TMEM65: variants seen among roughly 807,000 people sequenced by gnomAD.
The protein encoded by TMEM65 is transmembrane protein 65.
TMEM65 carries 22 observed loss-of-function variants against 25.4 expected under a neutral mutation model. The observed-to-expected ratio is 0.86, with a 90% CI of 0.62 to 1.23. The LOEUF (loss-of-function observed/expected upper bound fraction) is 1.23. TMEM65 is among the 50% of genes most tolerant of loss of function. The pLI is 0.00. For synonymous variants in TMEM65, 132 were observed against 126.2 expected, an observed-to-expected ratio of 1.05 and a Z score of -0.31; for missense variants, 262 against 308.2, an observed-to-expected ratio of 0.85 and a Z score of 1.12.
In TMEM65 at chr8:124,326,750, T is replaced by C. The variant is rs190730650; in HGVS notation, c.417+604A>G. ...TATTGGTATCCATTAGCAGGCCTTA[T>C]ATAGTAGTAAGAAAGGTAAGTCAGC... is the stretch of plus-strand genomic sequence containing the variant. On this transcript the variant is annotated intron_variant, in intron 3 of 6. Transcript: ENST00000297632. Among the ~76,000 whole-genome samples the C allele has an allele frequency of 9.3e-3, 1,416 of 152,176 alleles. 30 individuals are homozygous for C. The highest frequency in any genetic ancestry group is 0.017 in the Middle Eastern group (5 of 294).
chr8:124,366,459 G>C (rs557951007), intron 1 of TMEM65, among the ~76,000 whole-genome samples: 2 of 152,030 alleles, frequency 1.3e-5, no homozygotes, highest in Non-Finnish European at 1.5e-5. Context: ...CCATCAGCCA[G>C]CCAAAGTTTA....
intron 6 of TMEM65, among the ~76,000 whole-genome samples, chr8:124,315,283 T>C (rs772788106): frequency 8.6e-5 from 13 of 151,808 alleles, no homozygotes; most frequent in Non-Finnish European, 1.9e-4. Context: ...TTTTCTCTTA[T>C]ACATTGTCTA....
chr8:124,368,285 G>C lies in TMEM65; in HGVS notation c.304+3569C>G, dbSNP rs147235932. ...TTATAACAAAAATATTCCCTAAGAG[G>C]CTCCTTTTTTCAAAACATATCTCTC... On this transcript the variant is annotated intron_variant, in intron 1 of 6. Coordinates refer to ENST00000297632, the MANE Select transcript of TMEM65 (RefSeq NM_194291.3). 5.2e-3 allele frequency among the ~76,000 whole-genome samples: 770 copies of C among 149,390 alleles called. 11 individuals are homozygous for C. Among genetic ancestry groups the C allele is most frequent in the African/African-American group, 0.018 (742 of 40,400 alleles).
rs1814189074 is a variant in TMEM65, at chr8:124,313,278, G to C, written c.*682C>G. ...GGTTAAAAAAAATCAACTAAAAATT[G>C]TACGCTTGTTAGTATACACGGTTTC... On this transcript the variant is annotated 3_prime_UTR_variant, in exon 7 of 7. Transcript: ENST00000297632. The C allele has an allele frequency of 6.6e-6, 1 of 151,814 alleles. No homozygotes were observed. The highest frequency in any genetic ancestry group is 6.6e-5 in the Admixed American group (1 of 15,226). 9.4% of individuals were successfully genotyped at this position (151,814 alleles called of 1,614,324 possible). A position where few individuals can be genotyped will look rare whatever the true frequency, so the allele number is the denominator to read the frequency against.
chr8:124,349,387 T>C (rs1814678610), intron 1 of TMEM65, among the ~76,000 whole-genome samples: 1 of 152,240 alleles, frequency 6.6e-6, no homozygotes. Flanking sequence ...AATCAAATGA[T>C]ACATCATAGT....
intron 1 of TMEM65, among the ~76,000 whole-genome samples, chr8:124,367,291 T>A (rs1253151344): frequency 6.6e-6 from 1 of 152,080 alleles, no homozygotes; most frequent in Non-Finnish European, 1.5e-5. Flanking sequence ...CTGGCCAACA[T>A]GGTGAAACCC....
chr8:124,319,566 C>G (rs1360905318), intron 6 of TMEM65, among the ~76,000 whole-genome samples: 1 of 151,844 alleles, frequency 6.6e-6, no homozygotes, highest in Non-Finnish European at 1.5e-5. Context: ...AGTCAGTATG[C>G]TTGGAACTCC....
At chr8:124,350,786 T>C (rs1489512785) in intron 1 of TMEM65, among the ~76,000 whole-genome samples, 6 of 152,066 alleles carry the variant, frequency 3.9e-5, no homozygotes, top group Non-Finnish European at 8.8e-5. Context: ...ATGTTTCACT[T>C]GCTATGGTTA....
intron 1 of TMEM65, among the ~76,000 whole-genome samples, chr8:124,336,729 G>A (rs1814512208): frequency 6.6e-6 from 1 of 151,758 alleles, no homozygotes; most frequent in Non-Finnish European, 1.5e-5. Flanking sequence ...AAGAAGAAAG[G>A]TCTAAAATAA....
chr8:124,363,867 A>C (rs921295140), intron 1 of TMEM65, among the ~76,000 whole-genome samples: 3 of 125,782 alleles, frequency 2.4e-5, no homozygotes, highest in East Asian at 2.4e-4. Context: ...AAAAAAAAAA[A>C]CAAGAAGTAT....
In TMEM65 at chr8:124,313,796, C is replaced by A. The variant is rs1443351016; in HGVS notation, c.*164G>T. The stretch of plus-strand genomic sequence containing the variant: ...CTAAACAGCTTTTTAAAAAAGATGT[C>A]CTAAGAAGATCAAGCCACAATAAGT... On this transcript the variant is annotated 3_prime_UTR_variant, in exon 7 of 7. Coordinates refer to ENST00000297632, the MANE Select transcript of TMEM65 (RefSeq NM_194291.3). The A allele has an allele frequency of 8.6e-6, 5 of 580,158 alleles. No individual in the cohort carries two copies. The highest frequency in any genetic ancestry group is 7.5e-5 in the African/African-American group (4 of 53,062). 35.9% of individuals were successfully genotyped at this position (580,158 alleles called of 1,614,324 possible). A position where few individuals can be genotyped will look rare whatever the true frequency, so the allele number is the denominator to read the frequency against.
chr8:124,335,890 A>G (rs1168071454), intron 1 of TMEM65, among the ~76,000 whole-genome samples: 1 of 152,098 alleles, frequency 6.6e-6, no homozygotes, highest in East Asian at 1.9e-4. Context: ...CCATATCAAT[A>G]ATTACATTCA....
intron 6 of TMEM65, among the ~76,000 whole-genome samples, chr8:124,314,534 C>T (rs1814208819): frequency 6.6e-6 from 1 of 152,238 alleles, no homozygotes; most frequent in Non-Finnish European, 1.5e-5. Flanking sequence ...CAACGCTGCA[C>T]ATACTTACAT....
At chr8:124,333,262 T>G (rs1458272496) in intron 1 of TMEM65, among the ~76,000 whole-genome samples, 1 of 151,902 alleles carries the variant, frequency 6.6e-6, no homozygotes, top group Non-Finnish European at 1.5e-5. Context: ...TAAAATGTAA[T>G]TACTGCCAGT....
Position 124,306,947 on chromosome 8 carries a change from T to TAA in TMEM65, c.*7012_*7013insTT, listed in dbSNP as rs1814098305. 7.0e-6 allele frequency: 1 copy of TAA among 143,870 alleles called. No individual in the cohort carries two copies. Among genetic ancestry groups the TAA allele is most frequent in the African/African-American group, 2.6e-5 (1 of 38,342 alleles). 8.9% of individuals were successfully genotyped at this position (143,870 alleles called of 1,614,324 possible). ...CTGGACAACAGAGCAAGACTCCATC[T>TAA]CAAAAAAAAAAAAAGTTAAAATTTA... On this transcript the variant is annotated 3_prime_UTR_variant, in exon 7 of 7. Transcript: ENST00000297632.
At chr8:124,352,714 G>C (rs1428810198) in intron 1 of TMEM65, among the ~76,000 whole-genome samples, 2 of 152,010 alleles carry the variant, frequency 1.3e-5, no homozygotes, top group Admixed American at 1.3e-4. Context: ...AGGAAGAAAT[G>C]AGTGAGGCAG....
chr8:124,334,543 G>T (rs1171861980), intron 1 of TMEM65, among the ~76,000 whole-genome samples: 1 of 151,574 alleles, frequency 6.6e-6, no homozygotes, highest in East Asian at 2.0e-4. Flanking sequence ...AGGTGGGTGG[G>T]TCACAAGGTC....
At chr8:124,370,965 A>T (rs908336883) in intron 1 of TMEM65, among the ~76,000 whole-genome samples, 1 of 152,204 alleles carries the variant, frequency 6.6e-6, no homozygotes, top group Non-Finnish European at 1.5e-5. Flanking sequence ...TAAGACATCC[A>T]TTTTAGTCGT....
chr8:124,368,905 C>T (rs147481146), intron 1 of TMEM65, among the ~76,000 whole-genome samples: 29 of 152,080 alleles, frequency 1.9e-4, no homozygotes, highest in African/African-American at 6.8e-4. Context: ...ATTTGTTATA[C>T]CGCAATGGAT....
Sources: allele counts gnomAD v4.1 joint callset (sites outside exome capture counted in the v4.1 genomes callset), GRCh38; gene constraint gnomAD v4.1.1; transcripts MANE v1.5; gene names NCBI Gene and HGNC (gene_info 2026-07-23, HGNC 2026-07-21).